HECTD4: variants seen among roughly 807,000 people sequenced by gnomAD.
HECTD4 encodes the protein probable E3 ubiquitin-protein ligase HECTD4.
A neutral mutation model predicts 471.5 loss-of-function variants in HECTD4; 114 were observed. That is an observed-to-expected ratio of 0.24 (90% confidence interval 0.21 to 0.28). HECTD4 has a LOEUF of 0.28. HECTD4 is among the 10% of genes least tolerant of loss of function. HECTD4 has a pLI of 1.00. For missense variants in HECTD4, 3,866 were observed against 5,651.5 expected (o/e 0.68, Z 10.13); for synonymous variants, 2,012 against 2,256.0 (o/e 0.89, Z 3.07).
rs2034144284 is a variant in HECTD4 at position 112,261,514 on chromosome 12, G to A, written c.2749-85C>T. ...GACAACATGAAATGATGTATTTAAT[G>A]ATGTATTTCCAAATGAAATAATGAG... On this transcript the variant is annotated intron_variant, in intron 17 of 75. Transcript: ENST00000682272. 7 of 1,297,748 alleles carry A rather than the reference G, an allele frequency of 5.4e-6. No individual in the cohort carries two copies. In the Admixed American group the frequency reaches 1.2e-4, roughly 22 times the overall value. 80.4% of individuals were successfully genotyped at this position (1,297,748 alleles called of 1,614,324 possible). A position where few individuals can be genotyped will look rare whatever the true frequency, so the allele number is the denominator to read the frequency against.
intron 1 of HECTD4, among the ~76,000 whole-genome samples, chr12:112,366,695 A>T (rs1330602752): frequency 6.6e-6 from 1 of 151,948 alleles, no homozygotes; most frequent in Non-Finnish European, 1.5e-5. Context: ...AGCCTGGCCA[A>T]CATGGTGAAA....
chr12:112,167,491 C>A lies in HECTD4; in HGVS notation c.12360G>T (p.Gln4120His). The A allele has an allele frequency of 6.2e-7, 1 of 1,610,902 alleles. No individual in the cohort carries two copies. The highest frequency in any genetic ancestry group is 8.5e-7 in the Non-Finnish European group (1 of 1,177,936). ...TPSPITYGEE[Q>H]LLHFLGQLLG... Reference sequence around the variant, plus strand: ...GCAGCTGCCCCAGGAAGTGCAGCAGCTGCTCCTCCCCGTAGGTGATGGGGC... The same window carrying A: ...GCAGCTGCCCCAGGAAGTGCAGCAGATGCTCCTCCCCGTAGGTGATGGGGC... The change falls in exon 72 of 76, where the codon CAG becomes CAT. Residue 4120 changes from glutamine to histidine, a missense_variant. Gln to His is a conservative substitution (Grantham distance 24). Around this residue, in one of 16 missense-constraint regions of HECTD4, gnomAD observed 715 missense variants for 1,087.6 expected, o/e 0.66. Coordinates refer to ENST00000682272, the MANE Select transcript of HECTD4 (RefSeq NM_001388303.1).
rs529296152 is a variant in HECTD4, at chr12:112,366,933, T to A, written c.177+15019A>T. ...AAAAAGAAAAAATTGCTTGTTACTA[T>A]TTTTTTTTTGTATCGTACATGTGGG... On this transcript the variant is annotated intron_variant, in intron 1 of 75. Transcript: ENST00000682272. 1.2e-3 allele frequency among the ~76,000 whole-genome samples: 157 copies of A among 135,966 alleles called. 2 individuals carry two copies. In the Middle Eastern group the frequency reaches 0.015, roughly 13 times the overall value. The allele number at this position is 135,966 out of a possible 152,430, so 89.2% of individuals were successfully genotyped here.
chr12:112,226,213 A>ACACT (rs1177225569), intron 44 of HECTD4, among the ~76,000 whole-genome samples: 2 of 152,016 alleles, frequency 1.3e-5, no homozygotes, highest in East Asian at 3.8e-4. Flanking sequence ...ACACACTCAC[A>ACACT]CACACACTCA....
chr12:112,302,223 T>C (rs1427220909), intron 7 of HECTD4: 2 of 1,319,868 alleles, frequency 1.5e-6, no homozygotes, highest in African/African-American at 1.4e-5. Context: ...TGAGCTTTCT[T>C]GTTCTCCACC....
intron 55 of HECTD4, among the ~76,000 whole-genome samples, chr12:112,199,256 C>T (rs956702940): frequency 6.6e-6 from 1 of 152,216 alleles, no homozygotes; most frequent in Non-Finnish European, 1.5e-5. Context: ...GGTATGCCTA[C>T]TTCCTGTCCT....
Position 112,193,736 on chromosome 12 carries a change from T to C in HECTD4, c.8750-62A>G. On this transcript the variant is annotated intron_variant, in intron 56 of 75. Coordinates refer to ENST00000682272, the MANE Select transcript of HECTD4 (RefSeq NM_001388303.1). The surrounding 1 kb of genome is among the most constrained non-coding windows in gnomAD (Gnocchi z 5.2). ...AAAGCAGCCAGTAGCTGTGAGAGTCTAAGTAACAGAAAATGAATAACCCAT... is the reference window on the plus strand; with the variant it reads ...AAAGCAGCCAGTAGCTGTGAGAGTCCAAGTAACAGAAAATGAATAACCCAT... 1 of 1,457,356 alleles carries C rather than the reference T, an allele frequency of 6.9e-7. No individual in the cohort carries two copies. Among genetic ancestry groups the C allele is most frequent in the South Asian group, 1.2e-5 (1 of 82,040 alleles). The allele number at this position is 1,457,356 out of a possible 1,614,324, so 90.3% of individuals were successfully genotyped here.
chr12:112,367,221 C>G (rs768316247), intron 1 of HECTD4, among the ~76,000 whole-genome samples: 56 of 150,630 alleles, frequency 3.7e-4, no homozygotes, highest in Non-Finnish European at 7.2e-4. Flanking sequence ...ATCACTTGAA[C>G]CGGGGAGGTA....
intron 71 of HECTD4, 35 bp from the exon 72 acceptor site, chr12:112,167,573 G>A (rs763971954): frequency 2.2e-5 from 32 of 1,472,536 alleles, no homozygotes; most frequent in South Asian, 1.3e-4. Flanking sequence ...TGACCTGGGC[G>A]TGGGCCTCTG....
intron 11 of HECTD4, among the ~76,000 whole-genome samples, chr12:112,271,072 C>T (rs2034403191): frequency 6.6e-6 from 1 of 151,800 alleles, no homozygotes; most frequent in African/African-American, 2.4e-5. Flanking sequence ...CTACTTTTTG[C>T]TTTTTCAAAA....
chr12:112,333,038 C>T (rs1266507484), intron 1 of HECTD4, among the ~76,000 whole-genome samples: 1 of 152,202 alleles, frequency 6.6e-6, no homozygotes, highest in Non-Finnish European at 1.5e-5. Context: ...GTCAATATTT[C>T]ATTCCTTTTA....
intron 3 of HECTD4, among the ~76,000 whole-genome samples, chr12:112,314,108 G>T (rs1221275643): frequency 6.6e-6 from 1 of 151,862 alleles, no homozygotes; most frequent in East Asian, 1.9e-4. Flanking sequence ...GTGTGATCTC[G>T]ACTTACTGTA....
Position 112,164,195 on chromosome 12 carries a change from G to A in HECTD4, c.12615C>T (p.Pro4205=). 6.2e-7 allele frequency: 1 copy of A among 1,613,780 alleles called. No homozygotes were observed. Residue 4205 remains proline (P), a synonymous_variant, in exon 73 of 76, where the codon CCC becomes CCT. Coordinates refer to ENST00000682272, the MANE Select transcript of HECTD4 (RefSeq NM_001388303.1). The part of the protein sequence containing the change: ...QHLATESPDS[P]NKPCCRFTYL... ...AGGTGAACCTGCAGCAGGGCTTGTT[G>A]GGGCTGTCAGGGCTCTCCGTGGCCA...
chr12:112,208,505 C>A lies in HECTD4; in HGVS notation c.7993G>T (p.Asp2665Tyr). The A allele has an allele frequency of 6.3e-7, 1 of 1,592,324 alleles. No individual in the cohort carries two copies. The change falls in exon 51 of 76, where the codon GAC (aspartate) becomes TAC (tyrosine). Residue 2665 changes from aspartate (D) to tyrosine (Y), a missense_variant. By Grantham distance (160) the Asp-to-Tyr change is radical (BLOSUM62 -3). Around this residue, in one of 16 missense-constraint regions of HECTD4, gnomAD observed 266 missense variants for 441.6 expected, o/e 0.60. Transcript: ENST00000682272. ...TGTGGGTCTCTTACCTGAGGGATGT[C>A]ATCATCGTCATCATCATCGCTTTCA... is the stretch of plus-strand genomic sequence containing the variant. Reference protein sequence around the residue: ...DDESDDDDDDDIPQEDHYALL... With the variant: ...DDESDDDDDDYIPQEDHYALL...
At chr12:112,244,659 C>T (rs1010373029) in intron 29 of HECTD4, among the ~76,000 whole-genome samples, 1 of 152,252 alleles carries the variant, frequency 6.6e-6, no homozygotes, top group Non-Finnish European at 1.5e-5. Context: ...GTGTGAGCTA[C>T]CACACCTGGC....
At chr12:112,355,719 G>GCACCACTGCACTCCAGCCTGGGAGAC (rs2036324495) in intron 1 of HECTD4, among the ~76,000 whole-genome samples, 1 of 151,804 alleles carries the variant, frequency 6.6e-6, no homozygotes, top group Non-Finnish European at 1.5e-5. Context: ...AGCGGAGGTC[G>GCACCACTGCACTCCAGCCTGGGAGAC]CACCACTGCA....
In HECTD4 at chr12:112,239,135, G is replaced by T; in HGVS notation, c.5207C>A (p.Thr1736Asn). The T allele has an allele frequency of 1.2e-6, 2 of 1,613,922 alleles. No homozygotes were observed. The highest frequency in any genetic ancestry group is 1.7e-6 in the Non-Finnish European group (2 of 1,179,840). ...QTESSSSEKQ[T>N]KKQKVATMAW... The stretch of plus-strand genomic sequence containing the variant: ...CATGGTGGCCACCTTCTGCTTCTTG[G>T]TCTGTTTCTCACTGGAGCTGGACTC... Residue 1736 changes from threonine to asparagine, a missense_variant, in exon 34 of 76, where the codon ACC becomes AAC. Thr to Asn is a moderately conservative substitution (Grantham distance 65). Around this residue, in one of 16 missense-constraint regions of HECTD4, gnomAD observed 229 missense variants for 386.4 expected, o/e 0.59. Coordinates refer to ENST00000682272, the MANE Select transcript of HECTD4 (RefSeq NM_001388303.1). The surrounding 1 kb of genome is among the most constrained non-coding windows in gnomAD (Gnocchi z 4.9).
intron 47 of HECTD4, 54 bp downstream of exon 47, chr12:112,216,719 C>T: frequency 6.3e-7 from 1 of 1,592,246 alleles, no homozygotes; most frequent in African/African-American, 1.3e-5. Flanking sequence ...CACCTATACA[C>T]ACCTTGTGGG....
In HECTD4 at chr12:112,306,157, A is replaced by T. The variant is rs373681139; in HGVS notation, c.1242T>A (p.Asp414Glu). ...STMSTVHLSSDGTYFYWIWSP... is the reference protein window; with the variant it reads ...STMSTVHLSSEGTYFYWIWSP... ...ACCAGATCCAATAGAAGTAAGTGCC[A>T]TCTGAAGACAGGTGCACAGTGCTCA... The change falls in exon 7 of 76, where the codon GAT becomes GAA. Residue 414 changes from aspartate to glutamate, a missense_variant. By Grantham distance (45) the Asp-to-Glu change is conservative. This residue lies in a region of HECTD4 where 440 missense variants were observed against 636.0 expected (regional missense o/e 0.69). Transcript: ENST00000682272. The T allele has an allele frequency of 3.1e-6, 5 of 1,613,048 alleles. No homozygotes were observed. Among genetic ancestry groups the T allele is most frequent in the Admixed American group, 1.7e-5 (1 of 59,730 alleles).
Sources: gnomAD v4.1 joint callset for allele counts (sites outside exome capture counted in the v4.1 genomes callset) on GRCh38, gnomAD v4.1.1 for gene constraint, gnomAD v4.1.1 regional missense constraint, Gnocchi (gnomAD v3.1) non-coding constraint, MANE v1.5 for transcripts, NCBI Gene and HGNC (gene_info 2026-07-23, HGNC 2026-07-21) for gene names.